Variants in MYT1L observed in about 807,000 individuals in gnomAD.
MYT1L encodes myelin transcription factor 1 like.
A neutral mutation model predicts 126.7 loss-of-function variants in MYT1L; 12 were observed. The observed-to-expected ratio is 0.09, with a 90% CI of 0.06 to 0.15. The LOEUF is 0.15. Among genes scored for constraint, MYT1L ranks in the 10% least tolerant of loss-of-function variants. The probability of loss-of-function intolerance (pLI) is 1.00; values close to 1 mark genes in which losing one functional copy is unlikely to be tolerated. For synonymous variants in MYT1L, 541 were observed against 604.2 expected, an observed-to-expected ratio of 0.90 and a Z score of 1.53; for missense variants, 979 against 1,585.2, an observed-to-expected ratio of 0.62 and a Z score of 6.49.
intron 4 of MYT1L, among the ~76,000 whole-genome samples, chr2:2,047,251 T>C (rs776421135): frequency 3.2e-4 from 49 of 152,346 alleles, no homozygotes; most frequent in Non-Finnish European, 5.7e-4. Context: ...GACCTAAATA[T>C]GCTCTTCATT....
At chr2:2,295,210 C>T (rs993522634) in intron 1 of MYT1L, among the ~76,000 whole-genome samples, 3 of 152,114 alleles carry the variant, frequency 2.0e-5, no homozygotes, top group South Asian at 4.1e-4. Flanking sequence ...CTCTGTAGCC[C>T]GAGTGTGATC....
intron 9 of MYT1L, among the ~76,000 whole-genome samples, chr2:1,936,594 GTTT>G (rs2055922179): frequency 6.6e-6 from 1 of 152,168 alleles, no homozygotes; most frequent in Non-Finnish European, 1.5e-5. Flanking sequence ...TATGATCTTT[GTTT>G]CTATGTTGGT....
intron 2 of MYT1L, among the ~76,000 whole-genome samples, chr2:2,262,580 C>G (rs2094999597): frequency 6.6e-6 from 1 of 150,716 alleles, no homozygotes; most frequent in East Asian, 2.0e-4. Context: ...GTGGTCCCAG[C>G]TACTCAGGAG....
At chr2:2,111,652 A>T (rs970356313) in intron 3 of MYT1L, among the ~76,000 whole-genome samples, 1 of 152,270 alleles carries the variant, frequency 6.6e-6, no homozygotes, top group Admixed American at 6.5e-5. Context: ...GCAACAGATC[A>T]TCAAATGATC....
At chr2:2,215,800 C>T (rs553302823) in intron 2 of MYT1L, among the ~76,000 whole-genome samples, 3 of 152,258 alleles carry the variant, frequency 2.0e-5, no homozygotes, top group Admixed American at 1.3e-4. Context: ...CCAAATCTCA[C>T]GTTGAATTGC....
intron 3 of MYT1L, among the ~76,000 whole-genome samples, chr2:2,118,789 C>T (rs941488997): frequency 4.6e-5 from 7 of 152,186 alleles, no homozygotes; most frequent in African/African-American, 1.7e-4. Context: ...ACCACTTCCT[C>T]CCTCCCAGAC....
intron 5 of MYT1L, among the ~76,000 whole-genome samples, chr2:1,989,135 G>A (rs957714663): frequency 1.3e-5 from 2 of 152,098 alleles, no homozygotes; most frequent in African/African-American, 4.8e-5. Context: ...AATCTAAAAA[G>A]TGCGTGTGTG....
At chr2:2,130,271 G>C (rs1291917606) in intron 3 of MYT1L, among the ~76,000 whole-genome samples, 1 of 151,522 alleles carries the variant, frequency 6.6e-6, no homozygotes, top group Non-Finnish European at 1.5e-5. Context: ...TAATATAACA[G>C]AAGAGTTCCA....
At chr2:2,112,887 G>C (rs1047689458) in intron 3 of MYT1L, among the ~76,000 whole-genome samples, 2 of 152,208 alleles carry the variant, frequency 1.3e-5, no homozygotes, top group African/African-American at 4.8e-5. Context: ...GCTTGGGTTA[G>C]GTTTCATCAT....
chr2:2,235,239 G>A (rs2094259711), intron 2 of MYT1L, among the ~76,000 whole-genome samples: 1 of 152,106 alleles, frequency 6.6e-6, no homozygotes, highest in African/African-American at 2.4e-5. Flanking sequence ...CGTGTGTATA[G>A]AGGGCTGTGT....
At chr2:2,150,831 A>AGGAAGGGAAGGGAAAAGAAG (rs1167319631) in intron 3 of MYT1L, among the ~76,000 whole-genome samples, 1 of 144,796 alleles carries the variant, frequency 6.9e-6, no homozygotes, top group Non-Finnish European at 1.5e-5. Context: ...TGAAGAGGAA[A>AGGAAGGGAAGGGAAAAGAAG]GGAAGGGAAG....
rs1480554822 is a variant in MYT1L at position 1,852,945 on chromosome 2, T to C, written c.2712-1242A>G. ...GGGGGCTGAGACCAGGACGGCAAAG[T>C]GCTTGCTTACAGGTGGGCTTTCTCA... is the stretch of plus-strand genomic sequence containing the variant. On this transcript the variant is annotated intron_variant, in intron 18 of 24. Coordinates refer to ENST00000647738, the MANE Select transcript of MYT1L (RefSeq NM_001303052.2). The surrounding 1 kb of genome is among the most constrained non-coding windows in gnomAD (Gnocchi z 4.0). 6.6e-6 allele frequency among the ~76,000 whole-genome samples: 1 copy of C among 152,208 alleles called. No individual in the cohort carries two copies. The highest frequency in any genetic ancestry group is 6.5e-5 in the Admixed American group (1 of 15,288).
At chr2:1,976,183 T>G (rs566755467) in intron 8 of MYT1L, among the ~76,000 whole-genome samples, 11 of 151,870 alleles carry the variant, frequency 7.2e-5, no homozygotes, top group Non-Finnish European at 1.3e-4. Context: ...TCTACTCTTT[T>G]GTCCTATTTA....
intron 2 of MYT1L, among the ~76,000 whole-genome samples, chr2:2,212,047 T>C (rs2093536940): frequency 6.6e-6 from 1 of 152,158 alleles, no homozygotes; most frequent in Admixed American, 6.5e-5. Context: ...CCTCTGCATT[T>C]CAGACTGTCC....
At chr2:1,826,893 C>T (rs1426407768) in intron 21 of MYT1L, 1 of 152,038 alleles carries the variant, frequency 6.6e-6, no homozygotes, top group Non-Finnish European at 1.5e-5. Context: ...TGAGGTTCCT[C>T]ATGAGAGCAG....
At position 1,979,496 on chromosome 2, in the gene MYT1L, T is replaced by A; in HGVS notation, c.89+25A>T. 6.2e-7 allele frequency: 1 copy of A among 1,609,662 alleles called. No homozygotes were observed. The highest frequency in any genetic ancestry group is 8.5e-7 in the Non-Finnish European group (1 of 1,176,026). On this transcript the variant is annotated intron_variant, in intron 7 of 24. Transcript: ENST00000647738. The surrounding 1 kb of genome is among the most constrained non-coding windows in gnomAD (Gnocchi z 4.0). ...GAATTTTCCAAACTGTTAATGGGGA[T>A]GCATTTTACCCACATGGCACTAACC...
chr2:2,187,271 A>C (rs1220525687), intron 2 of MYT1L, among the ~76,000 whole-genome samples: 1 of 152,086 alleles, frequency 6.6e-6, no homozygotes, highest in Non-Finnish European at 1.5e-5. Flanking sequence ...CTTCATGGAA[A>C]TGTCATCTGC....
At chr2:2,294,935 C>A (rs905163167) in intron 1 of MYT1L, among the ~76,000 whole-genome samples, 2 of 152,126 alleles carry the variant, frequency 1.3e-5, no homozygotes, top group Admixed American at 6.5e-5. Flanking sequence ...AGATCAATAA[C>A]GTGCAGTTAA....
intron 3 of MYT1L, among the ~76,000 whole-genome samples, chr2:2,100,816 A>C (rs546125136): frequency 5.6e-4 from 85 of 152,324 alleles, no homozygotes; most frequent in African/African-American, 2.0e-3. Flanking sequence ...GCAGGGGTGC[A>C]TATATAACAG....
Sources: allele counts gnomAD v4.1 joint callset (sites outside exome capture counted in the v4.1 genomes callset), GRCh38; gene constraint gnomAD v4.1.1; non-coding constraint Gnocchi (gnomAD v3.1); transcripts MANE v1.5; gene names NCBI Gene and HGNC (gene_info 2026-07-23, HGNC 2026-07-21).